FAF1: variants seen among roughly 807,000 people sequenced by gnomAD.
FAF1 encodes the protein FAS-associated factor 1.
Under a neutral mutation model 92.5 loss-of-function variants are expected in FAF1, and 25 were observed. The observed-to-expected ratio is 0.27, with a 90% CI of 0.20 to 0.38. The LOEUF (loss-of-function observed/expected upper bound fraction) is 0.38. Ranked by LOEUF, FAF1 falls within the 10% of genes least tolerant of loss-of-function variation. The pLI, the probability that FAF1 is intolerant of heterozygous loss-of-function variation, is 1.00. For missense variants in FAF1, 636 were observed against 793.3 expected (o/e 0.80, Z 2.38); for synonymous variants, 234 against 273.2 (o/e 0.86, Z 1.42).
chr1:50,515,321 A>G (rs972959095), intron 15 of FAF1, among the ~76,000 whole-genome samples: 1 of 152,148 alleles, frequency 6.6e-6, no homozygotes, highest in African/African-American at 2.4e-5. Flanking sequence ...TGTATATCTC[A>G]TAAGGAACTG....
At chr1:50,533,598 C>T (rs1648300502) in intron 15 of FAF1, among the ~76,000 whole-genome samples, 1 of 152,000 alleles carries the variant, frequency 6.6e-6, no homozygotes, top group Non-Finnish European at 1.5e-5. Context: ...TAGTTCAGGG[C>T]TATATTAAAA....
intron 18 of FAF1, chr1:50,451,982 T>G (rs963904916): frequency 3.4e-6 from 4 of 1,185,602 alleles, no homozygotes; most frequent in Non-Finnish European, 3.2e-6. Context: ...GTGGTATCCT[T>G]GATGGTGGCT....
At chr1:50,703,066 A>T (rs1557483746) in intron 7 of FAF1, among the ~76,000 whole-genome samples, 1 of 151,738 alleles carries the variant, frequency 6.6e-6, no homozygotes, top group African/African-American at 2.4e-5. Flanking sequence ...TGTTTTGAAC[A>T]TTTTTTCCTT....
intron 15 of FAF1, among the ~76,000 whole-genome samples, chr1:50,507,124 A>T (rs1414540191): frequency 6.6e-6 from 1 of 152,200 alleles, no homozygotes; most frequent in Non-Finnish European, 1.5e-5. Context: ...TTCTTTTCAT[A>T]CTGGACACAG....
chr1:50,837,296 C>T (rs964015813), intron 2 of FAF1, among the ~76,000 whole-genome samples: 4 of 152,198 alleles, frequency 2.6e-5, no homozygotes, highest in Non-Finnish European at 5.9e-5. Flanking sequence ...TCTAGATCTA[C>T]TTGGGGATCA....
intron 6 of FAF1, among the ~76,000 whole-genome samples, chr1:50,721,884 A>C (rs989914265): frequency 1.3e-5 from 2 of 152,246 alleles, no homozygotes; most frequent in East Asian, 3.9e-4. Flanking sequence ...TTAGCCTCCC[A>C]AAGTGTTGAG....
intron 18 of FAF1, among the ~76,000 whole-genome samples, chr1:50,470,365 T>C (rs769016375): frequency 1.3e-5 from 2 of 152,208 alleles, no homozygotes; most frequent in Non-Finnish European, 2.9e-5. Context: ...GCTTTTATAA[T>C]TGTTCAAGTG....
At chr1:50,516,670 A>ATATG (rs1467242191) in intron 15 of FAF1, among the ~76,000 whole-genome samples, 14 of 152,228 alleles carry the variant, frequency 9.2e-5, no homozygotes, top group Non-Finnish European at 1.6e-4. Context: ...GCTCTCAAGC[A>ATATG]TATGTAGGTT....
At chr1:50,491,397 A>G (rs1261243179) in intron 16 of FAF1, among the ~76,000 whole-genome samples, 1 of 152,180 alleles carries the variant, frequency 6.6e-6, no homozygotes, top group East Asian at 1.9e-4. Flanking sequence ...GTATTCAATA[A>G]ATCAATAGTT....
chr1:50,582,050 G>T (rs762908454), intron 12 of FAF1, among the ~76,000 whole-genome samples: 9 of 150,630 alleles, frequency 6.0e-5, no homozygotes, highest in South Asian at 2.1e-4. Flanking sequence ...TTTTGGGGGG[G>T]TGGGCAGGGG....
intron 13 of FAF1, among the ~76,000 whole-genome samples, chr1:50,557,572 A>G (rs1181821454): frequency 1.3e-5 from 2 of 152,202 alleles, no homozygotes; most frequent in African/African-American, 4.8e-5. Flanking sequence ...GGGCTTTAAA[A>G]TATCTTTTAG....
intron 6 of FAF1, 95 bp downstream of exon 6, chr1:50,738,768 G>C (rs927387207): frequency 2.6e-6 from 2 of 766,564 alleles, no homozygotes; most frequent in African/African-American, 3.5e-5. Flanking sequence ...AACAAGACTT[G>C]TATTTGATTT....
chr1:50,796,628 C>T (rs1661761487), intron 3 of FAF1, among the ~76,000 whole-genome samples: 1 of 152,030 alleles, frequency 6.6e-6, no homozygotes, highest in African/African-American at 2.4e-5. Flanking sequence ...ACCTCTACAT[C>T]CCTACCCTTC....
chr1:50,805,735 G>C (rs147146162), intron 2 of FAF1, among the ~76,000 whole-genome samples: 143 of 152,126 alleles, frequency 9.4e-4, no homozygotes, highest in African/African-American at 3.3e-3. Context: ...TAAAGAAAAT[G>C]GCAATGACAA....
intron 2 of FAF1, among the ~76,000 whole-genome samples, chr1:50,822,774 CT>C (rs772097310): frequency 0.013 from 1,679 of 125,136 alleles, 21 homozygotes; most frequent in African/African-American, 0.049. Context: ...TTCTTTCTTT[CT>C]TTTTTTTTTT....
At chr1:50,820,847 ATG>A (rs59160200) in intron 2 of FAF1, among the ~76,000 whole-genome samples, 13 of 149,528 alleles carry the variant, frequency 8.7e-5, no homozygotes, top group African/African-American at 7.3e-5. Flanking sequence ...CTGAATAATA[ATG>A]TGTGTGTGTG....
At chr1:50,622,561 A>G (rs1557440720) in intron 8 of FAF1, among the ~76,000 whole-genome samples, 1 of 152,264 alleles carries the variant, frequency 6.6e-6, no homozygotes, top group Non-Finnish European at 1.5e-5. Flanking sequence ...TATTAGTACA[A>G]TTGTCATCCA....
intron 18 of FAF1, among the ~76,000 whole-genome samples, chr1:50,442,052 A>C (rs1490931819): frequency 1.3e-5 from 2 of 152,120 alleles, no homozygotes; most frequent in Non-Finnish European, 2.9e-5. Flanking sequence ...GAAAAAAAAC[A>C]GGCAATGTCA....
At chr1:50,441,587 T>G in intron 18 of FAF1, 64 bp from the exon 19 acceptor site, 4 of 863,764 alleles carry the variant, frequency 4.6e-6, no homozygotes, top group Non-Finnish European at 7.2e-6. Flanking sequence ...TACATGGCCT[T>G]CATTTTATCT....
Sources: allele counts gnomAD v4.1 joint callset (sites outside exome capture counted in the v4.1 genomes callset), GRCh38; gene constraint gnomAD v4.1.1; transcripts MANE v1.5; gene names NCBI Gene and HGNC (gene_info 2026-07-23, HGNC 2026-07-21).